The following EMC2 variants were observed in gnomAD, a reference collection of about 807,000 sequenced individuals.
EMC2 encodes ER membrane protein complex subunit 2.
EMC2 carries 37 observed loss-of-function variants against 51.6 expected under a neutral mutation model. The observed-to-expected ratio is 0.72, with a 90% CI of 0.55 to 0.94. EMC2 has a LOEUF of 0.94. EMC2 is among the 40% of genes least tolerant of loss of function. The pLI is 0.00. For missense variants in EMC2, 359 were observed against 350.9 expected (o/e 1.02, Z -0.18); for synonymous variants, 131 against 112.4 (o/e 1.17, Z -1.04).
chr8:108,459,548 A>G (rs1040330858), intron 5 of EMC2, among the ~76,000 whole-genome samples: 2 of 152,152 alleles, frequency 1.3e-5, no homozygotes, highest in African/African-American at 2.4e-5. Flanking sequence ...TAAAACTATC[A>G]GATCTTGTGA....
intron 10 of EMC2, among the ~76,000 whole-genome samples, chr8:108,485,037 A>G (rs1470931962): frequency 6.6e-6 from 1 of 151,814 alleles, no homozygotes; most frequent in Non-Finnish European, 1.5e-5. Flanking sequence ...TTTTCAAATC[A>G]GGATTCAGCT....
chr8:108,449,085 AACTT>A (rs1449039915), intron 1 of EMC2, among the ~76,000 whole-genome samples: 2 of 152,126 alleles, frequency 1.3e-5, no homozygotes, highest in Admixed American at 1.3e-4. Context: ...TGTATAGGAT[AACTT>A]ACTTTGTTAT....
intron 1 of EMC2, among the ~76,000 whole-genome samples, chr8:108,449,158 G>T (rs912758738): frequency 2.0e-5 from 3 of 152,098 alleles, no homozygotes; most frequent in Non-Finnish European, 2.9e-5. Flanking sequence ...CTGTTGCTCA[G>T]ACTGGAGTGC....
Position 108,468,954 on chromosome 8 carries a change from A to C in EMC2, c.364-872A>C, listed in dbSNP as rs1376147443. Among the ~76,000 whole-genome samples, 5 of 151,934 alleles carry C rather than the reference A, an allele frequency of 3.3e-5. No homozygotes were observed. The East Asian group carries it at 9.7e-4, about 29-fold the overall frequency. ...CTTCCTGTTTTGTTTTTTAATGTCT[A>C]CTTACTCTTTGTTTCAGTACACGTA... is the stretch of plus-strand genomic sequence containing the variant. On this transcript the variant is annotated intron_variant, in intron 5 of 10. Coordinates refer to ENST00000220853, the MANE Select transcript of EMC2 (RefSeq NM_014673.5).
chr8:108,447,200 C>T (rs1259992980), intron 1 of EMC2, among the ~76,000 whole-genome samples: 8 of 151,648 alleles, frequency 5.3e-5, no homozygotes, highest in Non-Finnish European at 1.0e-4. Flanking sequence ...TTGTTTCATT[C>T]TCCCCCACTG....
intron 10 of EMC2, among the ~76,000 whole-genome samples, chr8:108,483,064 C>G (rs1375276081): frequency 6.6e-6 from 1 of 152,014 alleles, no homozygotes; most frequent in African/African-American, 2.4e-5. Context: ...AATTTTGACT[C>G]TGATATAATT....
intron 4 of EMC2, 126 bp downstream of exon 4, chr8:108,453,273 T>G: frequency 2.2e-6 from 1 of 463,404 alleles, no homozygotes; most frequent in East Asian, 3.4e-5. Flanking sequence ...TAATTTACAT[T>G]TTTTGATGAC....
intron 3 of EMC2, among the ~76,000 whole-genome samples, chr8:108,452,059 T>C (rs1253052218): frequency 6.6e-6 from 1 of 152,230 alleles, no homozygotes; most frequent in Non-Finnish European, 1.5e-5. Context: ...TTAATATGCT[T>C]CAGTGGACTA....
intron 5 of EMC2, among the ~76,000 whole-genome samples, chr8:108,466,138 T>C (rs1203890441): frequency 6.6e-6 from 1 of 152,166 alleles, no homozygotes; most frequent in African/African-American, 2.4e-5. Flanking sequence ...AGAAGTTAAG[T>C]GACTTGCCCA....
chr8:108,471,576 C>T (rs1400226140), intron 7 of EMC2, among the ~76,000 whole-genome samples: 2 of 151,740 alleles, frequency 1.3e-5, no homozygotes, highest in East Asian at 3.9e-4. Context: ...ATAAAATTAT[C>T]TTCCGTAGTT....
Position 108,469,681 on chromosome 8 carries a change from G to A in EMC2, c.364-145G>A, listed in dbSNP as rs1810812000. The A allele has an allele frequency of 4.9e-6, 3 of 611,526 alleles. No homozygotes were observed. In the East Asian group the frequency reaches 8.7e-5, roughly 18 times the overall value. The allele number at this position is 611,526 out of a possible 1,614,324, so 37.9% of individuals were successfully genotyped here. A position where few individuals can be genotyped will look rare whatever the true frequency, so the allele number is the denominator to read the frequency against. ...GAATTCCCCAGTGGGATGTCATGGGGTATGTTTATAAACTCCCACTAAGCA... is the reference window on the plus strand; with the variant it reads ...GAATTCCCCAGTGGGATGTCATGGGATATGTTTATAAACTCCCACTAAGCA... On this transcript the variant is annotated intron_variant, in intron 5 of 10. Transcript: ENST00000220853.
chr8:108,446,117 G>A, intron 1 of EMC2: 1 of 177,358 alleles, frequency 5.6e-6, no homozygotes, highest in Non-Finnish European at 1.2e-5. Context: ...TAAGCATTAT[G>A]AGTATATAGG....
chr8:108,470,081 G>A lies in EMC2; in HGVS notation c.469G>A (p.Ala157Thr). 1.9e-6 allele frequency: 3 copies of A among 1,613,050 alleles called. No homozygotes were observed. The highest frequency in any genetic ancestry group is 2.5e-6 in the Non-Finnish European group (3 of 1,179,492). ...CACCAGATTTGTTGGAGACCAAGAA[G>A]CCTGGCATGAACTTGCAGAACTTTA... Reference protein sequence around the residue: ...YLEQFVGDQEAWHELAELYIN... With the variant: ...YLEQFVGDQETWHELAELYIN... The change falls in exon 7 of 11, where the codon GCC (alanine) becomes ACC (threonine). Residue 157 changes from alanine (A) to threonine (T), a missense_variant. By Grantham distance (58) the Ala-to-Thr change is moderately conservative. Coordinates refer to ENST00000220853, the MANE Select transcript of EMC2 (RefSeq NM_014673.5).
chr8:108,468,919 C>A (rs1274278549), intron 5 of EMC2, among the ~76,000 whole-genome samples: 1 of 152,122 alleles, frequency 6.6e-6, no homozygotes, highest in Non-Finnish European at 1.5e-5. Flanking sequence ...TATGCAGTTT[C>A]CATAAATAAC....
chr8:108,448,049 T>C (rs780891035), intron 1 of EMC2, among the ~76,000 whole-genome samples: 1 of 151,958 alleles, frequency 6.6e-6, no homozygotes, highest in Admixed American at 6.5e-5. Context: ...ATACATGTAG[T>C]TGGGTGAAAG....
At chr8:108,470,583 G>A (rs905517766) in intron 7 of EMC2, among the ~76,000 whole-genome samples, 12 of 152,238 alleles carry the variant, frequency 7.9e-5, no homozygotes, top group Non-Finnish European at 1.8e-4. Flanking sequence ...GAAGCATTCT[G>A]TTGCCTGGGT....
At chr8:108,485,819 ATTTAT>A (rs1215730274) in intron 10 of EMC2, among the ~76,000 whole-genome samples, 4 of 151,496 alleles carry the variant, frequency 2.6e-5, no homozygotes, top group Non-Finnish European at 5.9e-5. Context: ...ATATTGATGT[ATTTAT>A]TTTGTTTTCA....
chr8:108,454,012 G>A (rs980340479), intron 4 of EMC2, among the ~76,000 whole-genome samples: 1 of 152,042 alleles, frequency 6.6e-6, no homozygotes, highest in Non-Finnish European at 1.5e-5. Context: ...GGTCTGCTTT[G>A]TCTGAAACTA....
intron 5 of EMC2, among the ~76,000 whole-genome samples, chr8:108,469,453 T>C (rs548691027): frequency 3.3e-5 from 5 of 152,256 alleles, no homozygotes; most frequent in South Asian, 2.1e-4. Flanking sequence ...AGATTTTTTT[T>C]CCCCTAATCT....
Sources: allele counts gnomAD v4.1 joint callset (sites outside exome capture counted in the v4.1 genomes callset), GRCh38; gene constraint gnomAD v4.1.1; transcripts MANE v1.5; gene names NCBI Gene and HGNC (gene_info 2026-07-23, HGNC 2026-07-21).